Variants in HHAT observed in about 807,000 individuals in gnomAD.
HHAT encodes protein-cysteine N-palmitoyltransferase HHAT.
Under a neutral mutation model 70.8 loss-of-function variants are expected in HHAT, and 47 were observed. That is an observed-to-expected ratio of 0.66 (90% CI 0.53 to 0.85). The LOEUF is 0.85. Ranked by LOEUF, HHAT falls within the 40% of genes least tolerant of loss-of-function variation. The pLI is 0.00. For missense variants in HHAT, 609 were observed against 604.8 expected (o/e 1.01, Z -0.07); for synonymous variants, 228 against 247.6 (o/e 0.92, Z 0.74).
Position 210,581,229 on chromosome 1 carries a change from C to T in HHAT, c.1044-6669C>T, listed in dbSNP as rs72749388. ...TCCTTGTAAATTCTGGGTATTAGAC[C>T]GTTGTCAGATGGGTAGATTGTGAAA... On this transcript the variant is annotated intron_variant, in intron 9 of 11. Transcript: ENST00000261458. 5.5e-3 allele frequency among the ~76,000 whole-genome samples: 841 copies of T among 152,138 alleles called. 3 individuals are homozygous for T. Among genetic ancestry groups the T allele is most frequent in the African/African-American group, 9.7e-3 (404 of 41,488 alleles).
intron 10 of HHAT, among the ~76,000 whole-genome samples, chr1:210,616,030 G>T (rs1278084385): frequency 6.6e-6 from 1 of 152,178 alleles, no homozygotes; most frequent in African/African-American, 2.4e-5. Flanking sequence ...GACTGGAGCT[G>T]TTCCTATTCG....
At chr1:210,361,724 C>G (rs2088335013) in intron 2 of HHAT, among the ~76,000 whole-genome samples, 1 of 152,046 alleles carries the variant, frequency 6.6e-6, no homozygotes, top group Non-Finnish European at 1.5e-5. Flanking sequence ...CCATTCTTGT[C>G]TATGTACTCT....
chr1:210,362,298 T>C (rs1193531631), intron 2 of HHAT, among the ~76,000 whole-genome samples: 1 of 151,212 alleles, frequency 6.6e-6, no homozygotes, highest in East Asian at 1.9e-4. Context: ...CAAGCTGGAG[T>C]GCAATGGCAT....
At chr1:210,342,648 C>T (rs769780231) in intron 1 of HHAT, among the ~76,000 whole-genome samples, 1 of 152,112 alleles carries the variant, frequency 6.6e-6, no homozygotes, top group African/African-American at 2.4e-5. Context: ...GGACTGACTG[C>T]ATGAAAACAG....
chr1:210,543,960 T>C (rs1208934372), intron 9 of HHAT, among the ~76,000 whole-genome samples: 4 of 152,212 alleles, frequency 2.6e-5, no homozygotes, highest in African/African-American at 9.6e-5. Flanking sequence ...AAGCAGTTCT[T>C]GGTCCCAGAA....
intron 8 of HHAT, among the ~76,000 whole-genome samples, chr1:210,481,496 CT>C (rs1369932922): frequency 6.6e-5 from 10 of 152,120 alleles, no homozygotes; most frequent in Non-Finnish European, 1.5e-4. Flanking sequence ...TTGGGGGTCA[CT>C]TTTAACAATG....
chr1:210,494,007 GTTC>G (rs1325662563), intron 8 of HHAT, among the ~76,000 whole-genome samples: 1 of 152,166 alleles, frequency 6.6e-6, no homozygotes, highest in Non-Finnish European at 1.5e-5. Flanking sequence ...CAATTCTTTT[GTTC>G]TTCTATTGAA....
At chr1:210,615,411 A>G (rs1445312015) in intron 10 of HHAT, among the ~76,000 whole-genome samples, 1 of 152,150 alleles carries the variant, frequency 6.6e-6, no homozygotes, top group Non-Finnish European at 1.5e-5. Context: ...GAGAAGTTTG[A>G]TCGTCTGAAG....
intron 8 of HHAT, among the ~76,000 whole-genome samples, chr1:210,488,955 G>A (rs1396247546): frequency 6.6e-6 from 1 of 152,168 alleles, no homozygotes; most frequent in Non-Finnish European, 1.5e-5. Context: ...GGGACCTGGA[G>A]GGAACTCATT....
intron 3 of HHAT, among the ~76,000 whole-genome samples, chr1:210,386,222 C>CTTTTTTTTTTTTTTT (rs1295756019): frequency 2.9e-5 from 2 of 69,892 alleles, no homozygotes; most frequent in African/African-American, 5.3e-5. Context: ...GAGTCCTTTT[C>CTTTTTTTTTTTTTTT]TTTTTTTCTT....
At chr1:210,606,863 A>G (rs1046773911) in intron 10 of HHAT, among the ~76,000 whole-genome samples, 3 of 152,192 alleles carry the variant, frequency 2.0e-5, no homozygotes, top group African/African-American at 7.2e-5. Context: ...TTTAGCTTTT[A>G]GCTTTTCTGT....
chr1:210,405,020 A>T (rs980107556), intron 6 of HHAT, among the ~76,000 whole-genome samples: 1 of 152,106 alleles, frequency 6.6e-6, no homozygotes, highest in Non-Finnish European at 1.5e-5. Flanking sequence ...TTTGATTATG[A>T]TGCTATTACT....
At chr1:210,501,759 A>G (rs548546006) in intron 8 of HHAT, among the ~76,000 whole-genome samples, 1 of 152,198 alleles carries the variant, frequency 6.6e-6, no homozygotes, top group Non-Finnish European at 1.5e-5. Context: ...GTGCTAGTTC[A>G]TAGGCATTTC....
chr1:210,382,313 C>T (rs2090701216), intron 3 of HHAT, among the ~76,000 whole-genome samples: 1 of 152,178 alleles, frequency 6.6e-6, no homozygotes, highest in Non-Finnish European at 1.5e-5. Context: ...AATTGTCTTT[C>T]CCATTTTCTG....
At chr1:210,494,568 T>TTTTTTTTTTTTTTTG (rs2094603397) in intron 8 of HHAT, among the ~76,000 whole-genome samples, 1 of 116,314 alleles carries the variant, frequency 8.6e-6, no homozygotes, top group Admixed American at 8.8e-5. Context: ...TTTTTTTTTT[T>TTTTTTTTTTTTTTTG]TGAGACAGAG....
chr1:210,565,871 A>G (rs1654601812), intron 9 of HHAT, among the ~76,000 whole-genome samples: 1 of 152,128 alleles, frequency 6.6e-6, no homozygotes, highest in African/African-American at 2.4e-5. Context: ...AAGAGCGTGG[A>G]GGTATAGGCT....
At chr1:210,412,484 T>C (rs1419232069) in intron 6 of HHAT, among the ~76,000 whole-genome samples, 2 of 152,194 alleles carry the variant, frequency 1.3e-5, no homozygotes, top group African/African-American at 4.8e-5. Flanking sequence ...TCAAGCTCTG[T>C]ACACCCAAAT....
chr1:210,466,146 C>CGCAAGGAATTGCAAGGAATT (rs945135485), intron 8 of HHAT, among the ~76,000 whole-genome samples: 1 of 149,668 alleles, frequency 6.7e-6, no homozygotes, highest in African/African-American at 2.5e-5. Context: ...TGCAAGGAAT[C>CGCAAGGAATTGCAAGGAATT]GCAAGGAATT....
intron 7 of HHAT, among the ~76,000 whole-genome samples, chr1:210,423,231 G>GT (rs1233718846): frequency 1.3e-5 from 2 of 152,118 alleles, no homozygotes; most frequent in Admixed American, 6.6e-5. Flanking sequence ...ATCACCATTT[G>GT]TTATTTTTTT....
Sources: gnomAD v4.1 joint callset for allele counts (sites outside exome capture counted in the v4.1 genomes callset) on GRCh38, gnomAD v4.1.1 for gene constraint, MANE v1.5 for transcripts, NCBI Gene and HGNC (gene_info 2026-07-23, HGNC 2026-07-21) for gene names.